Variants in NUFIP2 observed in about 807,000 individuals in gnomAD.
NUFIP2 encodes nuclear FMR1 interacting protein 2, also known as FMR1-interacting protein NUFIP2.
In NUFIP2, 6 loss-of-function variants were observed where a neutral mutation model predicts 56.9. The observed-to-expected ratio is 0.11, with a 90% CI of 0.06 to 0.21. The LOEUF is 0.21. NUFIP2 is among the 10% of genes least tolerant of loss of function. The pLI is 1.00. For missense variants in NUFIP2, 828 were observed against 826.8 expected, an observed-to-expected ratio of 1.00 and a Z score of -0.02; for synonymous variants, 321 against 298.2, an observed-to-expected ratio of 1.08 and a Z score of -0.79.
At chr17:29,285,702 A>T (rs2069169155) in intron 2 of NUFIP2, among the ~76,000 whole-genome samples, 1 of 152,244 alleles carries the variant, frequency 6.6e-6, no homozygotes, top group South Asian at 2.1e-4. Flanking sequence ...AAAATATAAC[A>T]TCAATACCTT....
chr17:29,275,180 C>G (rs918315163), intron 2 of NUFIP2, among the ~76,000 whole-genome samples: 14 of 152,152 alleles, frequency 9.2e-5, no homozygotes, highest in African/African-American at 3.4e-4. Context: ...GCCATCATAC[C>G]CGGCTAATTT....
chr17:29,271,928 C>G (rs992098467), intron 2 of NUFIP2, among the ~76,000 whole-genome samples: 2 of 151,522 alleles, frequency 1.3e-5, no homozygotes, highest in African/African-American at 4.9e-5. Context: ...AAAAAGTTAG[C>G]CAAGTGTGGG....
intron 3 of NUFIP2, among the ~76,000 whole-genome samples, chr17:29,266,930 T>C (rs1389657495): frequency 1.3e-5 from 2 of 151,888 alleles, no homozygotes; most frequent in Admixed American, 6.6e-5. Flanking sequence ...GGAGATGGCG[T>C]TTCGCTCTTG....
Position 29,286,327 on chromosome 17 carries a change from G to C in NUFIP2, c.1667C>G (p.Thr556Ser). Residue 556 changes from threonine (T) to serine (S), a missense_variant, in exon 2 of 4, where the codon ACT becomes AGT. Thr to Ser is a moderately conservative substitution (Grantham distance 58, BLOSUM62 1). Transcript: ENST00000225388. ...SQGAEIIPSG[T>S]EHPVFPKAYE... ...AGCCTTGGGAAACACAGGATGCTCA[G>C]TTCCTGAGGGAATTATTTCAGCACC... is the stretch of plus-strand genomic sequence containing the variant. 1.9e-6 allele frequency: 3 copies of C among 1,614,118 alleles called. No homozygotes were observed. Among genetic ancestry groups the C allele is most frequent in the East Asian group, 2.2e-5 (1 of 44,888 alleles).
chr17:29,264,468 A>T lies in NUFIP2; in HGVS notation c.*71T>A. On this transcript the variant is annotated 3_prime_UTR_variant, in exon 4 of 4. Transcript: ENST00000225388. The stretch of plus-strand genomic sequence containing the variant: ...TGCTGCGTTGAAGATCTAGGAGCAT[A>T]AAAGCCTTGTGTCCCCCATGAACGA... The T allele has an allele frequency of 4.0e-6, 4 of 988,588 alleles. No individual in the cohort carries two copies. The highest frequency in any genetic ancestry group is 6.4e-6 in the Non-Finnish European group (4 of 628,710). The allele number at this position is 988,588 out of a possible 1,614,324, so 61.2% of individuals were successfully genotyped here. A position where few individuals can be genotyped will look rare whatever the true frequency, so the allele number is the denominator to read the frequency against.
At chr17:29,278,542 C>T (rs887709379) in intron 2 of NUFIP2, among the ~76,000 whole-genome samples, 2 of 151,674 alleles carry the variant, frequency 1.3e-5, no homozygotes, top group East Asian at 3.9e-4. Context: ...CCACCACGCC[C>T]GGCCCCCCAT....
chr17:29,264,290 G>C lies in NUFIP2; in HGVS notation c.*249C>G, dbSNP rs1339797457. The C allele has an allele frequency of 5.9e-6, 1 of 169,306 alleles. No homozygotes were observed. Among genetic ancestry groups the C allele is most frequent in the East Asian group, 1.6e-4 (1 of 6,266 alleles). The allele number at this position is 169,306 out of a possible 1,614,324, so 10.5% of individuals were successfully genotyped here. A position where few individuals can be genotyped will look rare whatever the true frequency, so the allele number is the denominator to read the frequency against. On this transcript the variant is annotated 3_prime_UTR_variant, in exon 4 of 4. Coordinates refer to ENST00000225388, the MANE Select transcript of NUFIP2 (RefSeq NM_020772.3). ...AAGAAAAAAAACCTATTCAGTACCGGAGATTAAATAACCATGTGTAGTCTC... is the reference window on the plus strand; with the variant it reads ...AAGAAAAAAAACCTATTCAGTACCGCAGATTAAATAACCATGTGTAGTCTC...
At chr17:29,292,848 G>A (rs1377670823) in intron 1 of NUFIP2, among the ~76,000 whole-genome samples, 1 of 143,304 alleles carries the variant, frequency 7.0e-6, no homozygotes, top group Non-Finnish European at 1.5e-5. Context: ...GGGGCCGCGC[G>A]CCGCCACCGG....
intron 2 of NUFIP2, among the ~76,000 whole-genome samples, chr17:29,277,695 T>C (rs979810858): frequency 2.6e-5 from 4 of 152,150 alleles, no homozygotes; most frequent in South Asian, 2.1e-4. Flanking sequence ...CTTTTTCAGT[T>C]TGACAATACC....
rs1182920645 is a variant in NUFIP2, at chr17:29,262,871, C to T, written c.*1668G>A. 2 of 152,024 alleles carry T rather than the reference C, an allele frequency of 1.3e-5. No individual in the cohort carries two copies. Among genetic ancestry groups the T allele is most frequent in the Non-Finnish European group, 2.9e-5 (2 of 67,974 alleles). 9.4% of individuals were successfully genotyped at this position (152,024 alleles called of 1,614,324 possible). A position where few individuals can be genotyped will look rare whatever the true frequency, so the allele number is the denominator to read the frequency against. The stretch of plus-strand genomic sequence containing the variant: ...TAGTTACTCTACTCTATGTTGAGTC[C>T]AACAGCTTCTTTCATGAACTACTTG... On this transcript the variant is annotated 3_prime_UTR_variant, in exon 4 of 4. Coordinates refer to ENST00000225388, the MANE Select transcript of NUFIP2 (RefSeq NM_020772.3).
intron 2 of NUFIP2, among the ~76,000 whole-genome samples, chr17:29,277,172 G>A (rs983596581): frequency 1.3e-5 from 2 of 151,942 alleles, no homozygotes; most frequent in South Asian, 2.1e-4. Context: ...CTACAGGCAC[G>A]TGCCACCATG....
At chr17:29,270,654 G>GA (rs1388345370) in intron 2 of NUFIP2, among the ~76,000 whole-genome samples, 2 of 151,894 alleles carry the variant, frequency 1.3e-5, no homozygotes, top group Non-Finnish European at 2.9e-5. Flanking sequence ...TTTGTCTACT[G>GA]CAAAGATAAA....
At chr17:29,279,130 G>A (rs1354165437) in intron 2 of NUFIP2, among the ~76,000 whole-genome samples, 1 of 152,178 alleles carries the variant, frequency 6.6e-6, no homozygotes, top group Non-Finnish European at 1.5e-5. Flanking sequence ...CAATTGCAAT[G>A]AAATGCAGTA....
Position 29,267,519 on chromosome 17 carries a change from T to G in NUFIP2, c.2014A>C (p.Ile672Leu). 6.5e-7 allele frequency: 1 copy of G among 1,538,894 alleles called. No homozygotes were observed. Among genetic ancestry groups the G allele is most frequent in the Non-Finnish European group, 8.9e-7 (1 of 1,122,612 alleles). The part of the protein sequence containing the change: ...IVYHTKEMES[I>L]WNLQKQDPKR... Reference sequence around the variant, plus strand: ...TTACCTTGCTTCTGCAAATTCCAAATAGATTCCATTTCTGCAAAGAAAAAA... The same window carrying G: ...TTACCTTGCTTCTGCAAATTCCAAAGAGATTCCATTTCTGCAAAGAAAAAA... Residue 672 changes from isoleucine (I) to leucine (L), a missense_variant, in exon 3 of 4, where the codon ATT becomes CTT. Ile to Leu is a conservative substitution (Grantham distance 5). This residue lies in a region of NUFIP2 where 404 missense variants were observed against 380.3 expected (regional missense o/e 1.06). Coordinates refer to ENST00000225388, the MANE Select transcript of NUFIP2 (RefSeq NM_020772.3).
At chr17:29,265,300 ATTTTAT>A (rs1283953062) in intron 3 of NUFIP2, among the ~76,000 whole-genome samples, 9 of 135,034 alleles carry the variant, frequency 6.7e-5, no homozygotes, top group Non-Finnish European at 1.3e-4. Flanking sequence ...TTTTTATTTT[ATTTTAT>A]TTTTTTTTTT....
intron 2 of NUFIP2, among the ~76,000 whole-genome samples, chr17:29,271,034 A>G (rs1383473495): frequency 1.2e-4 from 19 of 152,222 alleles, no homozygotes; most frequent in Admixed American, 1.2e-3. Context: ...AACTATTTGC[A>G]AACACCCAAG....
At chr17:29,270,268 T>C (rs2429244) in intron 2 of NUFIP2, among the ~76,000 whole-genome samples, 61,590 of 147,902 alleles carry the variant, frequency 0.42, 12,689 homozygotes, top group East Asian at 0.55. Flanking sequence ...GGCAGGAAAA[T>C]TCCCTTTCTC....
chr17:29,284,835 A>C (rs1173864608), intron 2 of NUFIP2, among the ~76,000 whole-genome samples: 1 of 152,134 alleles, frequency 6.6e-6, no homozygotes, highest in Non-Finnish European at 1.5e-5. Context: ...GCCTGGTCTC[A>C]ACTATGCTAA....
chr17:29,270,417 A>T (rs2153011104), intron 2 of NUFIP2, among the ~76,000 whole-genome samples: 1 of 152,236 alleles, frequency 6.6e-6, no homozygotes, highest in East Asian at 1.9e-4. Context: ...TTAGTTTCAA[A>T]CAACGAGGAA....
Sources: gnomAD v4.1 joint callset for allele counts (sites outside exome capture counted in the v4.1 genomes callset) on GRCh38, gnomAD v4.1.1 for gene constraint, gnomAD v4.1.1 regional missense constraint, MANE v1.5 for transcripts, NCBI Gene and HGNC (gene_info 2026-07-23, HGNC 2026-07-21) for gene names.